The following CCT3 variants were observed in gnomAD, a reference collection of about 807,000 sequenced individuals.
The protein encoded by CCT3 is chaperonin containing TCP1 subunit 3.
In CCT3, 10 loss-of-function variants were observed where a neutral mutation model predicts 65.3. That is an observed-to-expected ratio of 0.15 (90% confidence interval 0.09 to 0.26). The LOEUF (loss-of-function observed/expected upper bound fraction) is 0.26. CCT3 is among the 10% of genes least tolerant of loss of function. CCT3 has a pLI of 1.00. For synonymous variants in CCT3, 225 were observed against 242.3 expected (o/e 0.93, Z 0.66); for missense variants, 626 against 708.7 (o/e 0.88, Z 1.33).
chr1:156,336,633 A>T (rs1442840071), intron 1 of CCT3, among the ~76,000 whole-genome samples: 1 of 152,218 alleles, frequency 6.6e-6, no homozygotes, highest in Non-Finnish European at 1.5e-5. Flanking sequence ...CCAGAGATTA[A>T]TGCAGACCTG....
At chr1:156,330,824 G>A (rs1159369988) in intron 5 of CCT3, among the ~76,000 whole-genome samples, 1 of 152,024 alleles carries the variant, frequency 6.6e-6, no homozygotes, top group Admixed American at 6.5e-5. Flanking sequence ...TGAGACAGGA[G>A]AATCACTTGA....
At chr1:156,328,057 ATCTGGCAGGGAGGTGGGGGGGTCAGCCC>A (rs1664920701) in intron 5 of CCT3, among the ~76,000 whole-genome samples, 8 of 4,628 alleles carry the variant, frequency 1.7e-3, no homozygotes, top group Admixed American at 2.3e-3. Context: ...CAGCCGCCCC[ATCTGGCAGGGAGGTGGGGGGGTCAGCCC>A]CCCGCCCAGC....
Position 156,325,011 on chromosome 1 carries a change from T to C in CCT3, c.383A>G (p.Lys128Arg). 6.2e-7 allele frequency: 1 copy of C among 1,613,686 alleles called. No homozygotes were observed. Among genetic ancestry groups the C allele is most frequent in the Non-Finnish European group, 8.5e-7 (1 of 1,179,748 alleles). The part of the protein sequence containing the change: ...HPTVVISAYR[K>R]ALDDMISTLK... ...GGTGCTGATCATATCATCCAATGCC[T>C]TGCGGTAAGCACTGATCACCACTGT... Residue 128 changes from lysine to arginine, a missense_variant, in exon 6 of 14, where the codon AAG (lysine) becomes AGG (arginine). By Grantham distance (26) the Lys-to-Arg change is conservative (BLOSUM62 2). Coordinates refer to ENST00000295688, the MANE Select transcript of CCT3 (RefSeq NM_005998.5).
intron 10 of CCT3, among the ~76,000 whole-genome samples, chr1:156,314,917 T>C (rs1202997681): frequency 6.6e-6 from 1 of 152,124 alleles, no homozygotes; most frequent in Non-Finnish European, 1.5e-5. Flanking sequence ...GACCCTTCTA[T>C]GATAGAGGCA....
chr1:156,334,531 CTTTA>C (rs1180630834), intron 4 of CCT3, among the ~76,000 whole-genome samples, 178 bp downstream of exon 4: 1 of 152,272 alleles, frequency 6.6e-6, no homozygotes, highest in Admixed American at 6.5e-5. Flanking sequence ...CTACTGACGC[CTTTA>C]TTTCAGACTT....
intron 6 of CCT3, among the ~76,000 whole-genome samples, chr1:156,321,601 C>T (rs1388788191): frequency 6.6e-6 from 1 of 152,148 alleles, no homozygotes; most frequent in Non-Finnish European, 1.5e-5. Context: ...TGGCTGTGCA[C>T]GGTGGCTCAC....
At chr1:156,335,800 A>G (rs375325206) in intron 2 of CCT3, 27 bp downstream of exon 2, 2 of 1,601,504 alleles carry the variant, frequency 1.2e-6, no homozygotes, top group African/African-American at 2.7e-5. Flanking sequence ...GAGGCAAACT[A>G]CCATAAACAC....
chr1:156,317,332 C>T lies in CCT3; in HGVS notation c.892+83G>A, dbSNP rs572058745. The T allele has an allele frequency of 3.1e-4, 495 of 1,595,580 alleles. 3 individuals are homozygous for T. The South Asian group carries it at 3.5e-3, about 11-fold the overall frequency. On this transcript the variant is annotated intron_variant, in intron 9 of 13. Coordinates refer to ENST00000295688, the MANE Select transcript of CCT3 (RefSeq NM_005998.5). The stretch of plus-strand genomic sequence containing the variant: ...ACTCTTAACCATGACACTATTACGC[C>T]CCTGCCAAACATGAGGGGAGAAAAC...
intron 12 of CCT3, 78 bp from the exon 13 acceptor site, chr1:156,310,767 G>A (rs2101626945): frequency 6.5e-7 from 1 of 1,529,520 alleles, no homozygotes; most frequent in East Asian, 2.3e-5. Flanking sequence ...AAAAACAATG[G>A]ACCAGTATGG....
In CCT3 at chr1:156,317,084, T is replaced by C; in HGVS notation, c.974+82A>G. 2.5e-6 allele frequency: 3 copies of C among 1,217,532 alleles called. No homozygotes were observed. In the South Asian group the frequency reaches 3.7e-5, roughly 15 times the overall value. 75.4% of individuals were successfully genotyped at this position (1,217,532 alleles called of 1,614,324 possible). On this transcript the variant is annotated intron_variant, in intron 10 of 13. Transcript: ENST00000295688. ...TGTTACTATATCCTTTATTAAACCT[T>C]TTCAGGTAATGATGACTGTTACGCA...
At chr1:156,318,514 A>G (rs1342071514) in intron 8 of CCT3, among the ~76,000 whole-genome samples, 3 of 152,100 alleles carry the variant, frequency 2.0e-5, no homozygotes, top group Non-Finnish European at 2.9e-5. Context: ...CCACTGCATT[A>G]AGCTGAAATT....
intron 6 of CCT3, 86 bp downstream of exon 6, chr1:156,324,886 C>T (rs1249371875): frequency 1.0e-5 from 9 of 884,038 alleles, no homozygotes; most frequent in Non-Finnish European, 1.9e-6. Context: ...CTAGGCCTCC[C>T]AAAGTGCTGG....
intron 6 of CCT3, among the ~76,000 whole-genome samples, chr1:156,323,600 G>A (rs1384946087): frequency 6.6e-6 from 1 of 151,896 alleles, no homozygotes; most frequent in African/African-American, 2.4e-5. Context: ...AAGTAGCTGG[G>A]ACTATAGGCA....
chr1:156,310,810 C>T lies in CCT3; in HGVS notation c.1402-121G>A. 5 of 1,449,306 alleles carry T rather than the reference C, an allele frequency of 3.4e-6. No homozygotes were observed. The South Asian group carries it at 6.4e-5, about 19-fold the overall frequency. 89.8% of individuals were successfully genotyped at this position (1,449,306 alleles called of 1,614,324 possible). On this transcript the variant is annotated intron_variant, in intron 12 of 13. Transcript: ENST00000295688. Reference sequence around the variant, plus strand: ...AGGGAAAAATGGCAATGACAGCAAACAAGTCAAAGACTAAAAGGAGAGAAA... The same window carrying T: ...AGGGAAAAATGGCAATGACAGCAAATAAGTCAAAGACTAAAAGGAGAGAAA...
intron 5 of CCT3, among the ~76,000 whole-genome samples, chr1:156,326,649 C>CAAAAAAAAAAAAAAA (rs760908966): frequency 1.5e-5 from 1 of 65,706 alleles, no homozygotes; most frequent in Non-Finnish European, 2.9e-5. Flanking sequence ...GACTCCATCT[C>CAAAAAAAAAAAAAAA]AAAAAAAAAA....
chr1:156,330,212 A>T (rs1178591893), intron 5 of CCT3, among the ~76,000 whole-genome samples: 1 of 152,216 alleles, frequency 6.6e-6, no homozygotes, highest in Non-Finnish European at 1.5e-5. Context: ...AAAAAAGAGT[A>T]TGAAATCTTT....
At chr1:156,337,537 T>G (rs2101687100) in intron 1 of CCT3, 1 of 168,296 alleles carries the variant, frequency 5.9e-6, no homozygotes, top group Middle Eastern at 3.1e-3. Context: ...CGATTACATC[T>G]AAGATCAGTG....
chr1:156,327,458 T>C (rs1664873170), intron 5 of CCT3, among the ~76,000 whole-genome samples: 1 of 151,936 alleles, frequency 6.6e-6, no homozygotes, highest in African/African-American at 2.4e-5. Flanking sequence ...GCCTGACTGG[T>C]TTTCGTATTT....
intron 5 of CCT3, among the ~76,000 whole-genome samples, chr1:156,331,862 C>T (rs1014367423): frequency 2.0e-5 from 3 of 150,976 alleles, no homozygotes; most frequent in Admixed American, 6.6e-5. Flanking sequence ...GAAGAAACGC[C>T]GTCTCTACTA....
Sources: gnomAD v4.1 joint callset for allele counts (sites outside exome capture counted in the v4.1 genomes callset) on GRCh38, gnomAD v4.1.1 for gene constraint, MANE v1.5 for transcripts, NCBI Gene and HGNC (gene_info 2026-07-23, HGNC 2026-07-21) for gene names.